Variants in TXNDC11 observed in about 807,000 individuals in gnomAD.
TXNDC11 encodes the protein thioredoxin domain containing 11, also known as thioredoxin domain-containing protein 11.
Under a neutral mutation model 78.0 loss-of-function variants are expected in TXNDC11, and 68 were observed. The observed-to-expected ratio is 0.87, with a 90% CI of 0.72 to 1.07. TXNDC11 has a LOEUF of 1.07. Ranked by LOEUF, TXNDC11 falls within the 50% of genes least tolerant of loss-of-function variation. The pLI is 0.00. For missense variants in TXNDC11, 1,389 were observed against 1,221.8 expected, an observed-to-expected ratio of 1.14 and a Z score of -2.04; for synonymous variants, 571 against 495.2, an observed-to-expected ratio of 1.15 and a Z score of -2.03.
At chr16:11,734,980 G>C (rs1221460936) in intron 2 of TXNDC11, among the ~76,000 whole-genome samples, 2 of 152,204 alleles carry the variant, frequency 1.3e-5, no homozygotes, top group African/African-American at 2.4e-5. Context: ...GTCGTCCATA[G>C]CATTCCAGAG....
At position 11,679,926 on chromosome 16, in the gene TXNDC11, C is replaced by T. The variant is rs1441407333; in HGVS notation, c.2235-89G>A. The T allele has an allele frequency of 2.6e-6, 3 of 1,149,352 alleles. No homozygotes were observed. The highest frequency in any genetic ancestry group is 2.4e-5 in the Admixed American group (1 of 41,730). 71.2% of individuals were successfully genotyped at this position (1,149,352 alleles called of 1,614,324 possible). A position where few individuals can be genotyped will look rare whatever the true frequency, so the allele number is the denominator to read the frequency against. On this transcript the variant is annotated intron_variant, in intron 11 of 11. Transcript: ENST00000283033. The surrounding 1 kb of genome is among the most constrained non-coding windows in gnomAD (Gnocchi z 4.6). ...GCTGTACCTGAGGCCAGGCCATCTACTTCTCACCAAGAAAAGACGTTCCGT... is the reference window on the plus strand; with the variant it reads ...GCTGTACCTGAGGCCAGGCCATCTATTTCTCACCAAGAAAAGACGTTCCGT...
intron 10 of TXNDC11, among the ~76,000 whole-genome samples, chr16:11,684,940 T>C (rs1338888637): frequency 6.6e-6 from 1 of 152,248 alleles, no homozygotes; most frequent in African/African-American, 2.4e-5. Context: ...TCATAAACAG[T>C]GCACACAAAA....
chr16:11,712,148 A>C (rs757670848), intron 5 of TXNDC11, among the ~76,000 whole-genome samples: 2 of 152,230 alleles, frequency 1.3e-5, no homozygotes, highest in Admixed American at 6.5e-5. Context: ...TAAAAGAGTC[A>C]ATTTAAAAGG....
intron 5 of TXNDC11, among the ~76,000 whole-genome samples, chr16:11,710,548 C>T (rs760626936): frequency 6.6e-6 from 1 of 152,180 alleles, no homozygotes; most frequent in Non-Finnish European, 1.5e-5. Flanking sequence ...TACCAGGATA[C>T]TTGCTATTAA....
chr16:11,721,901 G>A (rs1441226160), intron 4 of TXNDC11, among the ~76,000 whole-genome samples: 1 of 152,164 alleles, frequency 6.6e-6, no homozygotes, highest in Non-Finnish European at 1.5e-5. Context: ...TGACAGGATT[G>A]TACAGTGGTC....
intron 4 of TXNDC11, among the ~76,000 whole-genome samples, chr16:11,722,473 A>G (rs2141091649): frequency 6.6e-6 from 1 of 152,348 alleles, no homozygotes; most frequent in East Asian, 1.9e-4. Context: ...TTTATTCTGT[A>G]ATAATCGTAT....
At chr16:11,687,478 G>A (rs545341069) in intron 10 of TXNDC11, among the ~76,000 whole-genome samples, 1 of 152,292 alleles carries the variant, frequency 6.6e-6, no homozygotes, top group African/African-American at 2.4e-5. Context: ...TTTCACAAAT[G>A]AGATAAACCA....
chr16:11,740,944 A>G (rs1179196110), intron 1 of TXNDC11, among the ~76,000 whole-genome samples: 2 of 152,224 alleles, frequency 1.3e-5, no homozygotes, highest in African/African-American at 2.4e-5. Flanking sequence ...CCCAGGGGAC[A>G]TCTAACAATG....
chr16:11,731,129 A>C (rs531434160), intron 3 of TXNDC11, among the ~76,000 whole-genome samples: 190 of 152,334 alleles, frequency 1.2e-3, no homozygotes, highest in African/African-American at 4.4e-3. Context: ...AATTGACCAC[A>C]TGCTAAGGGA....
intron 7 of TXNDC11, among the ~76,000 whole-genome samples, chr16:11,694,735 G>C (rs142033041): frequency 6.6e-6 from 1 of 152,232 alleles, no homozygotes; most frequent in Non-Finnish European, 1.5e-5. Context: ...TTACAGGCGT[G>C]AGCCACTGCG....
chr16:11,692,573 A>G (rs761546718), intron 7 of TXNDC11, among the ~76,000 whole-genome samples: 24 of 152,204 alleles, frequency 1.6e-4, no homozygotes, highest in Non-Finnish European at 2.6e-4. Flanking sequence ...GTAAGAACGA[A>G]TCTTCTACCC....
At chr16:11,733,831 T>C in intron 3 of TXNDC11, 151 bp downstream of exon 3, 1 of 604,556 alleles carries the variant, frequency 1.7e-6, no homozygotes, top group South Asian at 2.1e-5. Flanking sequence ...GGGTGGATTA[T>C]CCAGATCTTT....
chr16:11,716,711 A>G (rs1354217632), intron 5 of TXNDC11, among the ~76,000 whole-genome samples: 1 of 152,244 alleles, frequency 6.6e-6, no homozygotes, highest in Non-Finnish European at 1.5e-5. Flanking sequence ...GTCAATTTAT[A>G]TATTTAACAT....
chr16:11,679,513 G>T lies in TXNDC11; in HGVS notation c.2559C>A (p.His853Gln). The T allele has an allele frequency of 3.1e-6, 5 of 1,613,312 alleles. No individual in the cohort carries two copies. Among genetic ancestry groups the T allele is most frequent in the East Asian group, 2.2e-5 (1 of 44,890 alleles). ...RALEEQHSLLHAHSEQLQALY... is the reference protein window; with the variant it reads ...RALEEQHSLLQAHSEQLQALY... Reference sequence around the variant, plus strand: ...GGGCCTGCAGCTGCTCACTGTGTGCGTGGAGCAGGCTGTGCTGCTCTTCCA... The same window carrying T: ...GGGCCTGCAGCTGCTCACTGTGTGCTTGGAGCAGGCTGTGCTGCTCTTCCA... Residue 853 changes from histidine to glutamine, a missense_variant, in exon 12 of 12, where the codon CAC becomes CAA. Coordinates refer to ENST00000283033, the MANE Select transcript of TXNDC11 (RefSeq NM_015914.7). This position sits in a 1 kb window ranked among gnomAD's most constrained non-coding sequence, Gnocchi z 4.6.
At chr16:11,698,936 G>A (rs2050934136) in intron 6 of TXNDC11, among the ~76,000 whole-genome samples, 1 of 152,204 alleles carries the variant, frequency 6.6e-6, no homozygotes, top group Non-Finnish European at 1.5e-5. Flanking sequence ...ACGAATAAAT[G>A]AAAGAGACAC....
chr16:11,703,393 A>G (rs2051087816), intron 5 of TXNDC11, among the ~76,000 whole-genome samples: 1 of 152,182 alleles, frequency 6.6e-6, no homozygotes, highest in Admixed American at 6.5e-5. Flanking sequence ...ACATAATTAC[A>G]GCCAGGACTC....
chr16:11,695,332 A>T (rs2050830097), intron 7 of TXNDC11, among the ~76,000 whole-genome samples: 1 of 152,150 alleles, frequency 6.6e-6, no homozygotes, highest in African/African-American at 2.4e-5. Context: ...ACCACAGCAC[A>T]ACTGTCCAGA....
At chr16:11,724,797 G>A (rs1015554534) in intron 4 of TXNDC11, among the ~76,000 whole-genome samples, 9 of 152,026 alleles carry the variant, frequency 5.9e-5, no homozygotes, top group Non-Finnish European at 1.0e-4. Flanking sequence ...CAAGGCTGGC[G>A]TGCAGTGGCG....
intron 3 of TXNDC11, among the ~76,000 whole-genome samples, chr16:11,733,536 A>G (rs1361451021): frequency 6.6e-6 from 1 of 152,152 alleles, no homozygotes; most frequent in Admixed American, 6.5e-5. Flanking sequence ...CAAAAAAAAA[A>G]AAGAATTGTG....
Sources: gnomAD v4.1 joint callset for allele counts (sites outside exome capture counted in the v4.1 genomes callset) on GRCh38, gnomAD v4.1.1 for gene constraint, Gnocchi (gnomAD v3.1) non-coding constraint, MANE v1.5 for transcripts, NCBI Gene and HGNC (gene_info 2026-07-23, HGNC 2026-07-21) for gene names.